The following COL12A1 variants were observed in gnomAD, a reference collection of about 807,000 sequenced individuals.
COL12A1 encodes collagen alpha-1(XII) chain.
COL12A1 carries 114 observed loss-of-function variants against 349.7 expected under a neutral mutation model. The ratio of observed to expected loss-of-function variants is 0.33; its 90% CI spans 0.28 to 0.38. The LOEUF (loss-of-function observed/expected upper bound fraction) is 0.38, where lower values mean the gene tolerates loss of function less well. COL12A1 is among the 10% of genes least tolerant of loss of function. The probability of loss-of-function intolerance (pLI) is 1.00; values close to 1 mark genes in which losing one functional copy is unlikely to be tolerated. For synonymous variants in COL12A1, 1,369 were observed against 1,329.0 expected (o/e 1.03, Z -0.66); for missense variants, 3,284 against 3,756.9 (o/e 0.87, Z 3.29).
chr6:75,155,088 CT>C (rs1767685287), intron 16 of COL12A1, among the ~76,000 whole-genome samples: 1 of 152,142 alleles, frequency 6.6e-6, no homozygotes, highest in Non-Finnish European at 1.5e-5. Context: ...GTAGTTCATT[CT>C]TTTTACTGTA....
At chr6:75,094,955 T>C (rs1767936004) in intron 60 of COL12A1, among the ~76,000 whole-genome samples, 153 bp downstream of exon 60, 1 of 152,212 alleles carries the variant, frequency 6.6e-6, no homozygotes, top group African/African-American at 2.4e-5. Flanking sequence ...TTTGAACTAG[T>C]ACCAAGTCAA....
intron 14 of COL12A1, among the ~76,000 whole-genome samples, chr6:75,159,215 T>C (rs1767910139): frequency 6.6e-6 from 1 of 151,462 alleles, no homozygotes; most frequent in South Asian, 2.1e-4. Context: ...GGTTATGAAT[T>C]ATGCTTCTGA....
intron 34 of COL12A1, among the ~76,000 whole-genome samples, chr6:75,132,404 G>A (rs1418289166): frequency 6.6e-6 from 1 of 152,172 alleles, no homozygotes; most frequent in East Asian, 1.9e-4. Context: ...TCTAACATAA[G>A]TAATGGAGAG....
Position 75,183,159 on chromosome 6 carries a change from G to T in COL12A1, c.1782C>A (p.Thr594=), listed in dbSNP as rs552726593. 6.2e-7 allele frequency: 1 copy of T among 1,614,110 alleles called. No homozygotes were observed. The highest frequency in any genetic ancestry group is 1.1e-5 in the South Asian group (1 of 91,078). Reference sequence around the variant, plus strand: ...CAAAATCTTCCACTGTGAACACATGGGTCTCTGCAGGAGGAGAGGCAATAG... The same window carrying T: ...CAAAATCTTCCACTGTGAACACATGTGTCTCTGCAGGAGGAGAGGCAATAG... The part of the protein sequence containing the change: ...LEAIASPPAE[T]HVFTVEDFDA... Residue 594 remains threonine, a synonymous_variant, in exon 10 of 66, where the codon ACC becomes ACA. Coordinates refer to ENST00000322507, the MANE Select transcript of COL12A1 (RefSeq NM_004370.6).
chr6:75,197,835 T>C (rs1050394358), intron 2 of COL12A1, among the ~76,000 whole-genome samples: 1 of 152,248 alleles, frequency 6.6e-6, no homozygotes, highest in African/African-American at 2.4e-5. Context: ...TGTTTTTTGT[T>C]ATCAAAACGC....
At chr6:75,155,002 A>G (rs1767681487) in intron 16 of COL12A1, among the ~76,000 whole-genome samples, 1 of 152,232 alleles carries the variant, frequency 6.6e-6, no homozygotes, top group African/African-American at 2.4e-5. Flanking sequence ...GTAAAAGTAA[A>G]TCACAAGCAT....
intron 2 of COL12A1, among the ~76,000 whole-genome samples, chr6:75,196,788 A>G (rs906371299): frequency 6.6e-6 from 1 of 152,236 alleles, no homozygotes; most frequent in Non-Finnish European, 1.5e-5. Flanking sequence ...AAATCAGTAC[A>G]TGGAAAAACA....
chr6:75,102,984 TTA>T (rs1161820180), intron 55 of COL12A1, among the ~76,000 whole-genome samples: 1 of 152,196 alleles, frequency 6.6e-6, no homozygotes, highest in East Asian at 1.9e-4. Flanking sequence ...TTTCATAGAT[TTA>T]TATGAGATTA....
rs772210650 is a variant in COL12A1, at chr6:75,156,361, G to A, written c.3146C>T (p.Ser1049Leu). Residue 1049 changes from serine to leucine, a missense_variant, in exon 15 of 66, where the codon TCG becomes TTG. Transcript: ENST00000322507. ...MVAKVPPTVT[S>L]TVLKRLQPQT... ...TGGCTGAAGTCGCTTTAACACTGTC[G>A]AAGTGACTGTGGGGGGCACCTTAGC... 4.3e-6 allele frequency: 7 copies of A among 1,613,880 alleles called. No homozygotes were observed. The highest frequency in any genetic ancestry group is 1.1e-5 in the South Asian group (1 of 91,068).
At chr6:75,091,725 C>G (rs1001575567) in intron 60 of COL12A1, among the ~76,000 whole-genome samples, 200 bp from the exon 61 acceptor site, 6 of 152,198 alleles carry the variant, frequency 3.9e-5, no homozygotes, top group African/African-American at 1.4e-4. Context: ...CTCTTTCTCT[C>G]TCTCTCTCTG....
chr6:75,134,085 T>C (rs761834583), intron 32 of COL12A1, 88 bp from the exon 33 acceptor site: 40 of 1,422,458 alleles, frequency 2.8e-5, no homozygotes, highest in Non-Finnish European at 3.7e-5. Flanking sequence ...CCAGGCACCC[T>C]AGAACATAGC....
chr6:75,192,098 A>T, intron 4 of COL12A1, 114 bp downstream of exon 4: 2 of 785,630 alleles, frequency 2.5e-6, no homozygotes, highest in Non-Finnish European at 3.7e-6. Flanking sequence ...CCAGAAAAAA[A>T]TAGTTAGTAC....
chr6:75,097,266 G>T lies in COL12A1; in HGVS notation c.8564C>A (p.Pro2855Gln), dbSNP rs1325348089. 2 of 1,613,636 alleles carry T rather than the reference G, an allele frequency of 1.2e-6. No individual in the cohort carries two copies. The highest frequency in any genetic ancestry group is 2.7e-5 in the African/African-American group (2 of 74,916). The change falls in exon 59 of 66, where the codon CCA becomes CAA. Residue 2855 changes from proline (P) to glutamine (Q), a missense_variant. Coordinates refer to ENST00000322507, the MANE Select transcript of COL12A1 (RefSeq NM_004370.6). ...TTTAGTTCTTACCGGCGGCCCTGGT[G>T]GGCCCCTGGGTCCCATTGCACCGTC... ...GKDGAMGPRG[P>Q]PGPPGSPGSP...
intron 33 of COL12A1, 52 bp from the exon 34 acceptor site, chr6:75,133,474 A>T (rs1381658167): frequency 6.4e-7 from 1 of 1,557,860 alleles, no homozygotes; most frequent in South Asian, 1.2e-5. Context: ...TTGTGAAAGA[A>T]ATAATAATTC....
At chr6:75,148,544 A>T (rs560891624) in intron 21 of COL12A1, 47 bp from the exon 22 acceptor site, 80 of 1,522,822 alleles carry the variant, frequency 5.3e-5, no homozygotes, top group Admixed American at 1.6e-4. Context: ...TATTGTAGAA[A>T]GGTGACAATA....
intron 14 of COL12A1, among the ~76,000 whole-genome samples, chr6:75,160,634 G>C (rs552082158): frequency 3.9e-5 from 6 of 152,194 alleles, no homozygotes; most frequent in Non-Finnish European, 7.3e-5. Context: ...ATCCATGGGA[G>C]ATTGGTTTCA....
chr6:75,113,125 A>C, intron 51 of COL12A1, 79 bp downstream of exon 51: 1 of 718,612 alleles, frequency 1.4e-6, no homozygotes, highest in Non-Finnish European at 2.1e-6. Flanking sequence ...CTGCCAATTT[A>C]ACATGACATT....
intron 1 of COL12A1, 88 bp from the exon 2 acceptor site, chr6:75,202,915 C>T (rs913420070): frequency 7.5e-6 from 6 of 801,182 alleles, no homozygotes; most frequent in Non-Finnish European, 1.2e-5. Flanking sequence ...TAGTCCAGAA[C>T]CCGACCAGAT....
At chr6:75,099,334 C>A (rs1312861598) in intron 58 of COL12A1, among the ~76,000 whole-genome samples, 1 of 152,196 alleles carries the variant, frequency 6.6e-6, no homozygotes, top group Non-Finnish European at 1.5e-5. Context: ...ACCAATATCA[C>A]TTCTAAGGGC....
Sources: allele counts gnomAD v4.1 joint callset (sites outside exome capture counted in the v4.1 genomes callset), GRCh38; gene constraint gnomAD v4.1.1; transcripts MANE v1.5; gene names NCBI Gene and HGNC (gene_info 2026-07-23, HGNC 2026-07-21).